GRID2: variants seen among roughly 807,000 people sequenced by gnomAD.
The protein encoded by GRID2 is glutamate receptor ionotropic, delta-2.
A neutral mutation model predicts 114.8 loss-of-function variants in GRID2; 33 were observed. That is an observed-to-expected ratio of 0.29 (90% CI 0.22 to 0.38). GRID2 has a LOEUF of 0.38. Among genes scored for constraint, GRID2 ranks in the 10% least tolerant of loss-of-function variants. The pLI is 1.00. For missense variants in GRID2, 1,184 were observed against 1,257.7 expected, an observed-to-expected ratio of 0.94 and a Z score of 0.89; for synonymous variants, 505 against 449.9, an observed-to-expected ratio of 1.12 and a Z score of -1.55.
intron 11 of GRID2, among the ~76,000 whole-genome samples, chr4:93,478,407 T>G (rs1725528434): frequency 6.6e-6 from 1 of 151,990 alleles, no homozygotes; most frequent in South Asian, 2.1e-4. Context: ...TGGTATTAAG[T>G]CTGAAGTTTC....
At chr4:93,752,619 C>T (rs1732421969) in intron 14 of GRID2, among the ~76,000 whole-genome samples, 1 of 152,158 alleles carries the variant, frequency 6.6e-6, no homozygotes, top group Non-Finnish European at 1.5e-5. Flanking sequence ...ATCTGCCCAC[C>T]TCGGCCTCCC....
At chr4:93,765,610 ATAT>A (rs745469485) in intron 14 of GRID2, among the ~76,000 whole-genome samples, 14,192 of 143,796 alleles carry the variant, frequency 0.099, 1,755 homozygotes, top group African/African-American at 0.29. Context: ...GTGAGGTATT[ATAT>A]ATATATATAT....
At chr4:93,423,232 C>G (rs1292874794) in intron 10 of GRID2, among the ~76,000 whole-genome samples, 1 of 151,604 alleles carries the variant, frequency 6.6e-6, no homozygotes. Context: ...TAGAAGAAGA[C>G]CTTTTCTTTG....
chr4:93,013,011 A>G (rs765198117), intron 2 of GRID2, among the ~76,000 whole-genome samples: 1 of 152,082 alleles, frequency 6.6e-6, no homozygotes, highest in Non-Finnish European at 1.5e-5. Context: ...TAAAATTCAT[A>G]TGGGATATTT....
intron 8 of GRID2, among the ~76,000 whole-genome samples, chr4:93,265,158 T>C (rs1579476479): frequency 1.3e-5 from 2 of 152,226 alleles, no homozygotes; most frequent in Admixed American, 1.3e-4. Context: ...TTGGTTTTTT[T>C]CCCTCATGAA....
chr4:93,164,996 G>A (rs754392403), intron 4 of GRID2, among the ~76,000 whole-genome samples: 13 of 152,046 alleles, frequency 8.6e-5, no homozygotes, highest in Non-Finnish European at 1.9e-4. Flanking sequence ...TGCTTAGCAG[G>A]AAGACCCTGG....
At chr4:93,350,593 C>CATA (rs1560527599) in intron 8 of GRID2, among the ~76,000 whole-genome samples, 2 of 151,814 alleles carry the variant, frequency 1.3e-5, no homozygotes, top group East Asian at 1.9e-4. Context: ...TAAAAAAAAT[C>CATA]CCTCCCTGCC....
At chr4:93,657,410 C>T (rs1429661308) in intron 14 of GRID2, among the ~76,000 whole-genome samples, 1 of 152,072 alleles carries the variant, frequency 6.6e-6, no homozygotes, top group South Asian at 2.1e-4. Flanking sequence ...TATAGAGCTT[C>T]GGAGATACAG....
chr4:92,866,752 C>T (rs974084493), intron 2 of GRID2, among the ~76,000 whole-genome samples: 1 of 151,898 alleles, frequency 6.6e-6, no homozygotes, highest in Non-Finnish European at 1.5e-5. Context: ...CGGTTTTCAC[C>T]GTGTTAGCCA....
chr4:93,024,739 T>C (rs1351373088), intron 2 of GRID2, among the ~76,000 whole-genome samples: 1 of 151,776 alleles, frequency 6.6e-6, no homozygotes, highest in East Asian at 1.9e-4. Context: ...AAAAAGTACT[T>C]AGGTAGTATT....
At chr4:93,664,282 G>A (rs1444045292) in intron 14 of GRID2, among the ~76,000 whole-genome samples, 1 of 152,198 alleles carries the variant, frequency 6.6e-6, no homozygotes, top group African/African-American at 2.4e-5. Context: ...AATAGCCAGT[G>A]CCAGGGCTTT....
At chr4:92,797,068 C>T (rs748866070) in intron 2 of GRID2, among the ~76,000 whole-genome samples, 6 of 151,964 alleles carry the variant, frequency 3.9e-5, no homozygotes, top group Non-Finnish European at 8.8e-5. Context: ...AAGACAACCA[C>T]AGCTCCAGGC....
At chr4:92,400,590 G>T (rs1192526490) in intron 1 of GRID2, among the ~76,000 whole-genome samples, 1 of 151,974 alleles carries the variant, frequency 6.6e-6, no homozygotes, top group Non-Finnish European at 1.5e-5. Flanking sequence ...TGTTTGTGTG[G>T]CCCTATATTT....
chr4:92,647,506 G>T (rs1385313305), intron 2 of GRID2, among the ~76,000 whole-genome samples: 1 of 149,170 alleles, frequency 6.7e-6, no homozygotes, highest in African/African-American at 2.5e-5. Context: ...TTTTAAATAA[G>T]GAAACTATAA....
intron 1 of GRID2, among the ~76,000 whole-genome samples, chr4:92,387,428 A>G (rs554398497): frequency 1.3e-5 from 2 of 152,114 alleles, no homozygotes; most frequent in Admixed American, 6.6e-5. Context: ...GGTACTCTGC[A>G]AAGTGTATTT....
intron 2 of GRID2, among the ~76,000 whole-genome samples, chr4:92,721,366 A>G (rs950682806): frequency 3.3e-5 from 5 of 152,184 alleles, no homozygotes; most frequent in Non-Finnish European, 4.4e-5. Flanking sequence ...TTAGTACATG[A>G]ATCCAAATAA....
intron 14 of GRID2, among the ~76,000 whole-genome samples, chr4:93,717,468 A>C (rs2110184758): frequency 6.6e-6 from 1 of 152,010 alleles, no homozygotes; most frequent in African/African-American, 2.4e-5. Context: ...CAGAGCCCTT[A>C]TATTCCCCTT....
chr4:93,184,648 C>T (rs1010000571), intron 4 of GRID2, among the ~76,000 whole-genome samples: 10 of 151,988 alleles, frequency 6.6e-5, no homozygotes. Context: ...CTTTGGGAGT[C>T]CAAGGTGGGC....
rs542361582 is a variant in GRID2, at chr4:92,668,193, G to A, written c.244+77907G>A. Reference sequence around the variant, plus strand: ...GAGCAATTTAATTAAAATTAATTGAGTATAATTCTGTCTCTTAAGAATGAG... The same window carrying A: ...GAGCAATTTAATTAAAATTAATTGAATATAATTCTGTCTCTTAAGAATGAG... On this transcript the variant is annotated intron_variant, in intron 2 of 15. Transcript: ENST00000282020. Among the ~76,000 whole-genome samples, 143 of 151,704 alleles carry A rather than the reference G, an allele frequency of 9.4e-4. 1 individual carries two copies. The highest frequency in any genetic ancestry group is 1.6e-3 in the Admixed American group (24 of 15,174).
Sources: gnomAD v4.1 joint callset for allele counts (sites outside exome capture counted in the v4.1 genomes callset) on GRCh38, gnomAD v4.1.1 for gene constraint, MANE v1.5 for transcripts, NCBI Gene and HGNC (gene_info 2026-07-23, HGNC 2026-07-21) for gene names.